CLSTN2: variants seen among roughly 807,000 people sequenced by gnomAD.
CLSTN2 encodes the protein calsyntenin-2.
CLSTN2 carries 48 observed loss-of-function variants against 101.2 expected under a neutral mutation model. That is an observed-to-expected ratio of 0.47 (90% CI 0.38 to 0.60). The LOEUF (loss-of-function observed/expected upper bound fraction) is 0.60, where lower values mean the gene tolerates loss of function less well. CLSTN2 is among the 20% of genes least tolerant of loss of function. CLSTN2 has a pLI of 0.00. For synonymous variants in CLSTN2, 481 were observed against 463.6 expected, an observed-to-expected ratio of 1.04 and a Z score of -0.48; for missense variants, 1,160 against 1,238.2, an observed-to-expected ratio of 0.94 and a Z score of 0.95.
chr3:140,425,485 T>C (rs1014205409), intron 5 of CLSTN2, among the ~76,000 whole-genome samples: 6 of 152,166 alleles, frequency 3.9e-5, no homozygotes, highest in African/African-American at 1.4e-4. Context: ...TTGGCCAAAG[T>C]ATTATCTACC....
rs1413434393 is a variant in CLSTN2 at position 140,567,626 on chromosome 3, C to T, written c.*1373C>T. ...TAGCAGGCAAGAATTAGGGCCTTGA[C>T]AGAATTTCCACGAAGCTCTGAGAAC... On this transcript the variant is annotated 3_prime_UTR_variant, in exon 17 of 17. Coordinates refer to ENST00000458420, the MANE Select transcript of CLSTN2 (RefSeq NM_022131.3). The T allele has an allele frequency of 4.6e-5, 7 of 152,182 alleles. No individual in the cohort carries two copies. The highest frequency in any genetic ancestry group is 2.1e-4 in the South Asian group (1 of 4,826). The allele number at this position is 152,182 out of a possible 1,614,324, so 9.4% of individuals were successfully genotyped here.
intron 1 of CLSTN2, among the ~76,000 whole-genome samples, chr3:140,075,768 C>T (rs2008476698): frequency 6.6e-6 from 1 of 152,140 alleles, no homozygotes. Context: ...TTGCCTCTAC[C>T]TTCTCCGCAT....
At chr3:140,418,989 ACCAATACTCTT>A (rs1192467254) in intron 4 of CLSTN2, among the ~76,000 whole-genome samples, 2 of 151,790 alleles carry the variant, frequency 1.3e-5, no homozygotes, top group Admixed American at 6.6e-5. Flanking sequence ...TGGCCTGGGT[ACCAATACTCTT>A]TCACTAATAT....
intron 10 of CLSTN2, among the ~76,000 whole-genome samples, chr3:140,556,048 G>A (rs1360878015): frequency 6.6e-6 from 1 of 152,220 alleles, no homozygotes; most frequent in Admixed American, 6.5e-5. Flanking sequence ...GAGCTTGAAG[G>A]TTGGAAGCTA....
chr3:140,504,615 A>T (rs995367128), intron 8 of CLSTN2, among the ~76,000 whole-genome samples: 1 of 152,234 alleles, frequency 6.6e-6, no homozygotes, highest in Non-Finnish European at 1.5e-5. Context: ...AGAATGAGCC[A>T]CACTGATCTC....
chr3:140,042,522 TTTATTATTA>T (rs910130107), intron 1 of CLSTN2, among the ~76,000 whole-genome samples: 1 of 151,900 alleles, frequency 6.6e-6, no homozygotes, highest in South Asian at 2.1e-4. Context: ...TGTAGTTTCT[TTTATTATTA>T]TTATTATTAT....
chr3:140,082,528 G>A (rs926785472), intron 1 of CLSTN2, among the ~76,000 whole-genome samples: 1 of 152,094 alleles, frequency 6.6e-6, no homozygotes, highest in African/African-American at 2.4e-5. Flanking sequence ...TGGATTTTGA[G>A]AGCCTCCCAC....
At chr3:140,261,913 A>G (rs1208361850) in intron 2 of CLSTN2, among the ~76,000 whole-genome samples, 1 of 152,120 alleles carries the variant, frequency 6.6e-6, no homozygotes, top group Non-Finnish European at 1.5e-5. Flanking sequence ...TTAGCTACCA[A>G]AATGTTTTTG....
chr3:140,202,591 G>T (rs2010731129), intron 2 of CLSTN2, among the ~76,000 whole-genome samples: 1 of 152,110 alleles, frequency 6.6e-6, no homozygotes, highest in Non-Finnish European at 1.5e-5. Flanking sequence ...TAGGCAGTTG[G>T]ATGCCAAAGC....
intron 2 of CLSTN2, among the ~76,000 whole-genome samples, chr3:140,356,076 G>A (rs1467382180): frequency 1.3e-5 from 2 of 152,114 alleles, no homozygotes; most frequent in African/African-American, 4.8e-5. Context: ...CCATTCTGTG[G>A]TATCTCCACC....
At chr3:140,393,187 G>T (rs1359670182) in intron 2 of CLSTN2, among the ~76,000 whole-genome samples, 1 of 152,132 alleles carries the variant, frequency 6.6e-6, no homozygotes, top group Non-Finnish European at 1.5e-5. Flanking sequence ...AGCAGATGAG[G>T]ACAAACAGAC....
intron 1 of CLSTN2, among the ~76,000 whole-genome samples, chr3:140,015,654 A>T (rs886262688): frequency 1.3e-5 from 2 of 152,252 alleles, no homozygotes; most frequent in Non-Finnish European, 2.9e-5. Context: ...GGGTGGAAAG[A>T]TCAATAGTTC....
chr3:139,936,935 C>A (rs1467164139), intron 1 of CLSTN2, among the ~76,000 whole-genome samples: 3 of 151,902 alleles, frequency 2.0e-5, no homozygotes, highest in Non-Finnish European at 4.4e-5. Context: ...GAGAAAAACT[C>A]GTTATGAAAA....
At chr3:140,534,991 T>G (rs922185248) in intron 9 of CLSTN2, among the ~76,000 whole-genome samples, 1 of 152,204 alleles carries the variant, frequency 6.6e-6, no homozygotes, top group Non-Finnish European at 1.5e-5. Flanking sequence ...GATCGCCTCA[T>G]CAGGGTGAGA....
At chr3:140,046,740 C>T (rs553977333) in intron 1 of CLSTN2, among the ~76,000 whole-genome samples, 1 of 152,174 alleles carries the variant, frequency 6.6e-6, no homozygotes, top group Non-Finnish European at 1.5e-5. Context: ...ATTTGCTTGT[C>T]TGTAAAGGAT....
chr3:140,050,608 C>T (rs1169824855), intron 1 of CLSTN2, among the ~76,000 whole-genome samples: 3 of 152,218 alleles, frequency 2.0e-5, no homozygotes, highest in Admixed American at 2.0e-4. Flanking sequence ...CAAACTGGGA[C>T]CCAGCAGAGA....
intron 2 of CLSTN2, among the ~76,000 whole-genome samples, chr3:140,310,759 TA>T (rs552588846): frequency 2.4e-4 from 36 of 152,234 alleles, no homozygotes; most frequent in Non-Finnish European, 4.4e-4. Flanking sequence ...TATTATGAGA[TA>T]ATACAAGAAA....
chr3:140,190,180 A>G (rs946049229), intron 2 of CLSTN2, among the ~76,000 whole-genome samples: 2 of 152,138 alleles, frequency 1.3e-5, no homozygotes, highest in Non-Finnish European at 2.9e-5. Flanking sequence ...ACGTTTCAAC[A>G]TATGTAATTG....
chr3:140,234,145 G>C (rs1264008422), intron 2 of CLSTN2, among the ~76,000 whole-genome samples: 1 of 152,146 alleles, frequency 6.6e-6, no homozygotes, highest in African/African-American at 2.4e-5. Flanking sequence ...CCCGAGAAAG[G>C]GTCACGGTCA....
Sources: gnomAD v4.1 joint callset for allele counts (sites outside exome capture counted in the v4.1 genomes callset) on GRCh38, gnomAD v4.1.1 for gene constraint, MANE v1.5 for transcripts, NCBI Gene and HGNC (gene_info 2026-07-23, HGNC 2026-07-21) for gene names.